PTP4A1: variants seen among roughly 807,000 people sequenced by gnomAD.
The protein encoded by PTP4A1 is protein tyrosine phosphatase type IVA 1.
PTP4A1 carries 9 observed loss-of-function variants against 20.5 expected under a neutral mutation model. The observed-to-expected ratio is 0.44, with a 90% confidence interval of 0.26 to 0.77. The LOEUF is 0.77. Ranked by LOEUF, PTP4A1 falls within the 30% of genes least tolerant of loss-of-function variation. The pLI is 0.19. For synonymous variants in PTP4A1, 78 were observed against 67.4 expected (o/e 1.16, Z -0.77); for missense variants, 137 against 218.8 (o/e 0.63, Z 2.36).
At chr6:63,558,872 G>C (rs777078687) in intron 3 of PTP4A1, among the ~76,000 whole-genome samples, 1 of 152,210 alleles carries the variant, frequency 6.6e-6, no homozygotes, top group Non-Finnish European at 1.5e-5. Flanking sequence ...GATATGGAAT[G>C]AGTTGCCTCA....
At chr6:63,570,034 A>G (rs1245869425), upstream of PTP4A1, among the ~76,000 whole-genome samples, 3 of 152,234 alleles carry the variant, frequency 2.0e-5, no homozygotes, top group African/African-American at 4.8e-5. Flanking sequence ...ACAAGCAGGA[A>G]CATTTAATGG....
intron 4 of PTP4A1, 56 bp from the exon 5 acceptor site, chr6:63,579,201 A>C: frequency 6.5e-7 from 1 of 1,531,030 alleles, no homozygotes; most frequent in Non-Finnish European, 8.9e-7. Flanking sequence ...TGGAGAAATA[A>C]ATTTACAAAG....
upstream of PTP4A1, among the ~76,000 whole-genome samples, chr6:63,516,933 A>C (rs1774749588): frequency 6.6e-6 from 1 of 152,196 alleles, no homozygotes; most frequent in African/African-American, 2.4e-5. Context: ...CTGCCACCGT[A>C]TCATATCAAC....
chr6:63,555,766 T>C (rs546114311), intron 3 of PTP4A1, among the ~76,000 whole-genome samples: 1 of 150,328 alleles, frequency 6.7e-6, no homozygotes, highest in Admixed American at 6.7e-5. Flanking sequence ...TGATCCCGGC[T>C]CACTGCAACT....
intron 3 of PTP4A1, among the ~76,000 whole-genome samples, chr6:63,561,833 C>T (rs1351457278): frequency 6.6e-6 from 1 of 152,242 alleles, no homozygotes; most frequent in Non-Finnish European, 1.5e-5. Flanking sequence ...AACATGGAAT[C>T]AGAACGAAAG....
In PTP4A1 at chr6:63,580,172, T is replaced by C; in HGVS notation, c.520T>C (p.Ter174GlnextTer5). Residue 174 changes from the stop codon to glutamine (Q), a stop_lost, in exon 6 of 6, where the codon TAA becomes CAA. Coordinates refer to ENST00000626021, the MANE Select transcript of PTP4A1 (RefSeq NM_003463.5). ...TCATAGAAACAACTGTTGCATTCAA[T>C]AAAATTGGGGTGCCTAATGCTACTG... ...NGHRNNCCIQ[*>Q] 6.2e-7 allele frequency: 1 copy of C among 1,606,428 alleles called. No individual in the cohort carries two copies. Among genetic ancestry groups the C allele is most frequent in the Non-Finnish European group, 8.5e-7 (1 of 1,173,632 alleles).
intron 3 of PTP4A1, among the ~76,000 whole-genome samples, chr6:63,558,739 A>G (rs550977213): frequency 3.0e-4 from 46 of 152,374 alleles, no homozygotes; most frequent in African/African-American, 1.1e-3. Context: ...TGTAAAGTGT[A>G]TAAGAATGAC....
chr6:63,559,804 T>C (rs1189576464), intron 3 of PTP4A1, among the ~76,000 whole-genome samples: 1 of 151,958 alleles, frequency 6.6e-6, no homozygotes, highest in African/African-American at 2.4e-5. Context: ...CATATAATAC[T>C]AGCACTTTGG....
intron 2 of PTP4A1, among the ~76,000 whole-genome samples, chr6:63,538,765 C>CA (rs1775828011): frequency 6.6e-6 from 1 of 152,218 alleles, no homozygotes; most frequent in South Asian, 2.1e-4. Flanking sequence ...TGATGGGCCC[C>CA]ACCTCCAGAG....
chr6:63,578,661 G>A, intron 3 of PTP4A1, 132 bp downstream of exon 3: 2 of 1,321,720 alleles, frequency 1.5e-6, no homozygotes, highest in African/African-American at 3.1e-5. Context: ...TTATATTATT[G>A]TGCAGAATCT....
At chr6:63,543,731 T>A (rs902817343) in intron 2 of PTP4A1, among the ~76,000 whole-genome samples, 2 of 152,206 alleles carry the variant, frequency 1.3e-5, no homozygotes, top group African/African-American at 4.8e-5. Context: ...GGGCAAATCA[T>A]GTAATGCCTC....
intron 1 of PTP4A1, among the ~76,000 whole-genome samples, chr6:63,575,855 A>AC (rs1477998889): frequency 6.6e-6 from 1 of 152,102 alleles, no homozygotes; most frequent in Non-Finnish European, 1.5e-5. Context: ...TAAATATAGG[A>AC]CTTAAATCAG....
chr6:63,579,922 C>G, intron 5 of PTP4A1, 135 bp from the exon 6 acceptor site: 1 of 666,810 alleles, frequency 1.5e-6, no homozygotes, highest in South Asian at 1.9e-5. Flanking sequence ...GTTCATATTC[C>G]TTTCTGCATC....
At chr6:63,573,019 G>C (rs1777570172) in intron 1 of PTP4A1, among the ~76,000 whole-genome samples, 1 of 152,120 alleles carries the variant, frequency 6.6e-6, no homozygotes, top group Non-Finnish European at 1.5e-5. Context: ...CGGCTTCTGC[G>C]GCGGCCGGGG....
Position 63,578,501 on chromosome 6 carries a change from T to G in PTP4A1, c.170T>G (p.Leu57Arg), listed in dbSNP as rs1778017400. 6.2e-7 allele frequency: 1 copy of G among 1,612,230 alleles called. No individual in the cohort carries two copies. Among genetic ancestry groups the G allele is most frequent in the African/African-American group, 1.3e-5 (1 of 74,842 alleles). The change falls in exon 3 of 6, where the codon CTT becomes CGT. Residue 57 changes from leucine (L) to arginine (R), a missense_variant. Physicochemically the swap from Leu to Arg is moderately radical, Grantham distance 102. Coordinates refer to ENST00000626021, the MANE Select transcript of PTP4A1 (RefSeq NM_003463.5). ...TGTGAAGCAACTTATGACACTACTC[T>G]TGTGGAGAAAGAAGGTATCCATGTT... ...RVCEATYDTTLVEKEGIHVLD... is the reference protein window; with the variant it reads ...RVCEATYDTTRVEKEGIHVLD...
intron 2 of PTP4A1, among the ~76,000 whole-genome samples, chr6:63,546,181 A>T (rs918121703): frequency 1.3e-5 from 2 of 152,220 alleles, no homozygotes; most frequent in Non-Finnish European, 2.9e-5. Flanking sequence ...CAGTATATAC[A>T]CACACAGGAA....
upstream of PTP4A1, among the ~76,000 whole-genome samples, chr6:63,517,228 G>A (rs185992981): frequency 2.9e-3 from 448 of 152,158 alleles, 2 homozygotes; most frequent in Middle Eastern, 0.01. Flanking sequence ...TTACCTTTCA[G>A]ACCAGTGGCA....
upstream of PTP4A1, among the ~76,000 whole-genome samples, chr6:63,568,979 T>C (rs1207014739): frequency 6.6e-6 from 1 of 152,208 alleles, no homozygotes; most frequent in Non-Finnish European, 1.5e-5. Context: ...TAGTGTCTTT[T>C]TCTAGGTTGA....
intron 2 of PTP4A1, chr6:63,549,121 TG>T (rs1776326655): frequency 1.4e-6 from 1 of 696,050 alleles, no homozygotes. Context: ...GGTCTCTTAG[TG>T]GGGATGCCCC....
Sources: gnomAD v4.1 joint callset for allele counts (sites outside exome capture counted in the v4.1 genomes callset) on GRCh38, gnomAD v4.1.1 for gene constraint, MANE v1.5 for transcripts, NCBI Gene and HGNC (gene_info 2026-07-23, HGNC 2026-07-21) for gene names.